Variants in HS6ST2 observed in about 807,000 individuals in gnomAD.
The protein encoded by HS6ST2 is heparan sulfate 6-O-sulfotransferase 2.
Under a neutral mutation model 33.0 loss-of-function variants are expected in HS6ST2, and 17 were observed. The observed-to-expected ratio is 0.52, with a 90% CI of 0.35 to 0.77. HS6ST2 has a LOEUF of 0.77. HS6ST2 is among the 30% of genes least tolerant of loss of function. The pLI is 0.01. For synonymous variants in HS6ST2, 248 were observed against 237.1 expected (o/e 1.05, Z -0.42); for missense variants, 519 against 551.7 (o/e 0.94, Z 0.59).
intron 2 of HS6ST2, among the ~76,000 whole-genome samples, chrX:132,713,848 TGAC>T (rs1259291950): frequency 9.1e-6 from 1 of 110,236 alleles, no homozygotes; most frequent in Non-Finnish European, 1.9e-5. Context: ...CCCTGCCAGC[TGAC>T]AAGGATTCCA....
At chrX:132,725,368 A>G (rs1222740057) in intron 2 of HS6ST2, among the ~76,000 whole-genome samples, 1 of 112,280 alleles carries the variant, frequency 8.9e-6, no homozygotes, top group African/African-American at 3.2e-5. Context: ...ATTTAAACAG[A>G]CATTTCTCAA....
At chrX:132,739,448 C>T (rs1380282430) in intron 2 of HS6ST2, among the ~76,000 whole-genome samples, 1 of 111,690 alleles carries the variant, frequency 9.0e-6, no homozygotes, top group Non-Finnish European at 1.9e-5. Flanking sequence ...TAAATTGTGG[C>T]TCATGCCTGT....
chrX:132,681,375 T>A (rs1388189569), intron 3 of HS6ST2, among the ~76,000 whole-genome samples: 1 of 112,342 alleles, frequency 8.9e-6, no homozygotes, highest in Non-Finnish European at 1.9e-5. Context: ...AAACAAAAAA[T>A]CCACCTTTGA....
At chrX:132,745,391 GT>G (rs922305171) in intron 2 of HS6ST2, among the ~76,000 whole-genome samples, 7 of 108,854 alleles carry the variant, frequency 6.4e-5, no homozygotes, top group Non-Finnish European at 1.2e-4. Flanking sequence ...AGCCCCGATA[GT>G]TTTTTTTTTA....
intron 3 of HS6ST2, among the ~76,000 whole-genome samples, chrX:132,696,182 A>G (rs984545418): frequency 8.9e-6 from 1 of 111,768 alleles, no homozygotes; most frequent in Non-Finnish European, 1.9e-5. Flanking sequence ...TCTGTGATTC[A>G]CAGTTCACTG....
Position 132,955,429 on chromosome X carries a change from A to C in HS6ST2, c.947+1379T>G, listed in dbSNP as rs757459672. ...AGCCAGGGGGTGATGTTCCCCTTAA[A>C]TCTCAATGGTAATCTGAAAGTCAGA... On this transcript the variant is annotated intron_variant, in intron 2 of 4. Coordinates refer to ENST00000370833, the MANE Select transcript of HS6ST2 (RefSeq NM_001394073.1). Among the ~76,000 whole-genome samples, 163 of 112,301 alleles carry C rather than the reference A, an allele frequency of 1.5e-3. 2 individuals carry two copies. Among genetic ancestry groups the C allele is most frequent in the African/African-American group, 5.1e-3 (158 of 30,930 alleles).
At chrX:132,777,462 A>G (rs2064973258) in intron 2 of HS6ST2, among the ~76,000 whole-genome samples, 2 of 109,854 alleles carry the variant, frequency 1.8e-5, no homozygotes, top group Non-Finnish European at 3.8e-5. Context: ...ACAGAGTCTC[A>G]CTCTGTTGCC....
At chrX:132,903,606 T>C (rs974597145) in intron 2 of HS6ST2, among the ~76,000 whole-genome samples, 1 of 111,912 alleles carries the variant, frequency 8.9e-6, no homozygotes, top group Non-Finnish European at 1.9e-5. Context: ...GTCCAGATCC[T>C]CATATTTTTA....
chrX:132,871,779 G>C (rs2066061457), intron 2 of HS6ST2, among the ~76,000 whole-genome samples: 1 of 108,352 alleles, frequency 9.2e-6, no homozygotes, highest in Non-Finnish European at 1.9e-5. Flanking sequence ...GGGCCTGTTG[G>C]GGGAGTGAGG....
intron 3 of HS6ST2, among the ~76,000 whole-genome samples, chrX:132,680,020 G>A (rs927139629): frequency 1.9e-5 from 2 of 105,680 alleles, no homozygotes; most frequent in African/African-American, 3.5e-5. Flanking sequence ...TGCAGTTAAC[G>A]CAATTATCAC....
intron 2 of HS6ST2, among the ~76,000 whole-genome samples, chrX:132,826,916 T>C (rs531508338): frequency 9.0e-6 from 1 of 111,311 alleles, no homozygotes; most frequent in South Asian, 3.8e-4. Context: ...GAATGTACTA[T>C]GGTCAGGCCA....
intron 2 of HS6ST2, among the ~76,000 whole-genome samples, chrX:132,855,234 T>C (rs1341736621): frequency 8.9e-6 from 1 of 111,922 alleles, no homozygotes; most frequent in Non-Finnish European, 1.9e-5. Context: ...ATAAGAGCCA[T>C]CATTTGTTGA....
intron 2 of HS6ST2, among the ~76,000 whole-genome samples, chrX:132,953,260 T>G (rs968276749): frequency 1.8e-5 from 2 of 112,068 alleles, no homozygotes; most frequent in African/African-American, 6.5e-5. Flanking sequence ...CCTGAGTGAC[T>G]GCAAACAACA....
intron 2 of HS6ST2, among the ~76,000 whole-genome samples, chrX:132,883,471 A>G (rs968346780): frequency 2.8e-4 from 31 of 110,710 alleles, no homozygotes; most frequent in African/African-American, 9.2e-4. Context: ...ATCGGTGGTG[A>G]TATCTCCTTT....
chrX:132,658,580 G>A (rs2063748075), intron 4 of HS6ST2, among the ~76,000 whole-genome samples: 1 of 111,771 alleles, frequency 8.9e-6, no homozygotes, highest in African/African-American at 3.3e-5. Flanking sequence ...AGTTAAAAGG[G>A]CCCTGTTTTG....
chrX:132,745,079 C>T (rs763254675), intron 2 of HS6ST2, among the ~76,000 whole-genome samples: 1 of 111,297 alleles, frequency 9.0e-6, no homozygotes, highest in Non-Finnish European at 1.9e-5. Flanking sequence ...AAAATATCCA[C>T]AGGTTTTTTT....
At chrX:132,816,772 T>G (rs2065398364) in intron 2 of HS6ST2, among the ~76,000 whole-genome samples, 1 of 111,467 alleles carries the variant, frequency 9.0e-6, no homozygotes, top group Non-Finnish European at 1.9e-5. Context: ...TAGAGTTCAC[T>G]GCCAACAAAG....
At chrX:132,931,027 T>A (rs760442712) in intron 2 of HS6ST2, among the ~76,000 whole-genome samples, 5 of 111,578 alleles carry the variant, frequency 4.5e-5, no homozygotes, top group Non-Finnish European at 9.4e-5. Flanking sequence ...CTCTCCCCAG[T>A]AAAACAACCA....
intron 2 of HS6ST2, among the ~76,000 whole-genome samples, chrX:132,784,051 G>C (rs981474813): frequency 1.8e-5 from 2 of 111,169 alleles, no homozygotes; most frequent in African/African-American, 6.6e-5. Flanking sequence ...GGAGTATTGA[G>C]GCCAACGTAT....
Sources: allele counts gnomAD v4.1 joint callset (sites outside exome capture counted in the v4.1 genomes callset), GRCh38; gene constraint gnomAD v4.1.1; transcripts MANE v1.5; gene names NCBI Gene and HGNC (gene_info 2026-07-23, HGNC 2026-07-21).